CDHR3: variants seen among roughly 807,000 people sequenced by gnomAD.
The protein encoded by CDHR3 is cadherin-related family member 3.
CDHR3 carries 79 observed loss-of-function variants against 86.6 expected under a neutral mutation model. That is an observed-to-expected ratio of 0.91 (90% CI 0.76 to 1.10). The LOEUF (loss-of-function observed/expected upper bound fraction) is 1.10, where lower values mean the gene tolerates loss of function less well. CDHR3 is among the 50% of genes least tolerant of loss of function. The pLI is 0.00. For synonymous variants in CDHR3, 421 were observed against 402.4 expected (o/e 1.05, Z -0.55); for missense variants, 1,081 against 1,077.6 (o/e 1.00, Z -0.04).
At chr7:105,982,468 CAAAAAAAAAAAAGA>C (rs1477166710) in intron 3 of CDHR3, among the ~76,000 whole-genome samples, 294 of 111,968 alleles carry the variant, frequency 2.6e-3, no homozygotes, top group Middle Eastern at 8.8e-3. Context: ...GACTCTGTCT[CAAAAAAAAAAAAGA>C]AAAAAAAAAA....
Position 105,984,199 on chromosome 7 carries a change from C to A in CDHR3, c.423C>A (p.His141Gln), listed in dbSNP as rs745913152. 1 of 1,603,082 alleles carries A rather than the reference C, an allele frequency of 6.2e-7. No homozygotes were observed. The highest frequency in any genetic ancestry group is 2.2e-5 in the East Asian group (1 of 44,662). ...CTTTGGACACTGGTCTAGGTCTACA[C>A]CTCTACATAGTAGAAAGAGCAAACC... is the stretch of plus-strand genomic sequence containing the variant. ...QFQGNLAEGL[H>Q]LYIVERANPG... The change falls in exon 4 of 19, where the codon CAC (histidine) becomes CAA (glutamine). Residue 141 changes from histidine to glutamine, a missense_variant. By Grantham distance (24) the His-to-Gln change is conservative (BLOSUM62 0). Coordinates refer to ENST00000317716, the MANE Select transcript of CDHR3 (RefSeq NM_152750.5).
chr7:105,990,203 C>A (rs1831145245), intron 4 of CDHR3, among the ~76,000 whole-genome samples: 1 of 152,160 alleles, frequency 6.6e-6, no homozygotes, highest in Non-Finnish European at 1.5e-5. Flanking sequence ...GGATCTGCAG[C>A]TTTATCGGTG....
At chr7:105,993,527 T>A (rs1351985317) in intron 4 of CDHR3, among the ~76,000 whole-genome samples, 2 of 150,764 alleles carry the variant, frequency 1.3e-5, no homozygotes, top group Non-Finnish European at 3.0e-5. Context: ...ATAAAAAAAA[T>A]TAGCCAGGTG....
intron 15 of CDHR3, among the ~76,000 whole-genome samples, chr7:106,026,079 A>T (rs902663891): frequency 1.3e-5 from 2 of 152,220 alleles, no homozygotes; most frequent in Non-Finnish European, 2.9e-5. Context: ...TGGTTGACTT[A>T]AAAAAGAAAA....
rs117224202 is a variant in CDHR3, at chr7:106,019,849, T to C, written c.1654-524T>C. Among the ~76,000 whole-genome samples the C allele has an allele frequency of 3.0e-3, 459 of 152,310 alleles. 1 individual carries two copies. The highest frequency in any genetic ancestry group is 6.6e-3 in the Admixed American group (101 of 15,296). On this transcript the variant is annotated intron_variant, in intron 12 of 18. Transcript: ENST00000317716. ...GCCCTGACCCCCACCCTCCAATCTATTGGTTCTGAAGTGGGCCCAAGAAAG... is the reference window on the plus strand; with the variant it reads ...GCCCTGACCCCCACCCTCCAATCTACTGGTTCTGAAGTGGGCCCAAGAAAG...
intron 7 of CDHR3, among the ~76,000 whole-genome samples, chr7:106,002,937 C>A (rs1833417480): frequency 6.6e-6 from 1 of 151,650 alleles, no homozygotes; most frequent in African/African-American, 2.4e-5. Context: ...AGTTTGAGAC[C>A]AGCCTGGGCA....
chr7:106,013,003 A>G lies in CDHR3; in HGVS notation c.1196A>G (p.Gln399Arg), dbSNP rs947961911. 1.9e-6 allele frequency: 3 copies of G among 1,610,460 alleles called. No homozygotes were observed. The highest frequency in any genetic ancestry group is 1.3e-5 in the African/African-American group (1 of 74,896). The change falls in exon 9 of 19, where the codon CAG (glutamine) becomes CGG (arginine). Residue 399 changes from glutamine to arginine, a missense_variant. By Grantham distance (43) the Gln-to-Arg change is conservative. Transcript: ENST00000317716. ...SGVGSGSRFLQDPAGSGKIVL... is the reference protein window; with the variant it reads ...SGVGSGSRFLRDPAGSGKIVL... ...GTGGGGAGCGGCAGCAGATTTTTAC[A>G]GGATCCAGCTGGCTCTGGGAAGATT...
intron 10 of CDHR3, 101 bp from the exon 11 acceptor site, chr7:106,015,826 T>C (rs1420920259): frequency 1.2e-6 from 1 of 866,238 alleles, no homozygotes; most frequent in Admixed American, 2.0e-5. Flanking sequence ...TGGTATCCCC[T>C]ATGCGCAAAG....
intron 4 of CDHR3, 79 bp from the exon 5 acceptor site, chr7:105,994,672 A>G (rs1197645430): frequency 1.0e-6 from 1 of 953,522 alleles, no homozygotes; most frequent in East Asian, 2.6e-5. Flanking sequence ...AACATAAAAT[A>G]GGAAATGAGC....
chr7:105,999,424 A>C (rs1460601059), intron 6 of CDHR3, among the ~76,000 whole-genome samples: 1 of 152,164 alleles, frequency 6.6e-6, no homozygotes, highest in Non-Finnish European at 1.5e-5. Flanking sequence ...AGTTTCTTAA[A>C]CAGCGGAACT....
chr7:105,981,627 T>G (rs1829748385), intron 3 of CDHR3, among the ~76,000 whole-genome samples: 1 of 152,194 alleles, frequency 6.6e-6, no homozygotes, highest in Admixed American at 6.5e-5. Context: ...TTCTGACAAC[T>G]TTCAAGTCTG....
In CDHR3 at chr7:105,996,415, G is replaced by A. The variant is rs73412250; in HGVS notation, c.713+61G>A. On this transcript the variant is annotated intron_variant, in intron 6 of 18. Transcript: ENST00000317716. ...AGGTGCGTCCTTCTTAGGCGGCCTC[G>A]TCTCCTCCGGCACATTTAATACAAG... The A allele has an allele frequency of 2.6e-3, 2,314 of 880,902 alleles. 37 individuals carry two copies. The African/African-American group carries it at 0.035, about 13-fold the overall frequency. The allele number at this position is 880,902 out of a possible 1,614,324, so 54.6% of individuals were successfully genotyped here. A position where few individuals can be genotyped will look rare whatever the true frequency, so the allele number is the denominator to read the frequency against.
rs148933702 is a variant in CDHR3 at position 106,028,341 on chromosome 7, T to TTG, written c.2273-198_2273-197dup. ...AAACAACTAAATTGTTCGTATGTTA[T>TTG]TGTGTGTGTGTGTATACATATGTGT... On this transcript the variant is annotated intron_variant, in intron 16 of 18. Transcript: ENST00000317716. 3.6e-5 allele frequency: 22 copies of TTG among 605,548 alleles called. No homozygotes were observed. The East Asian group carries it at 4.4e-4, about 12-fold the overall frequency. The allele number at this position is 605,548 out of a possible 1,614,324, so 37.5% of individuals were successfully genotyped here. A position where few individuals can be genotyped will look rare whatever the true frequency, so the allele number is the denominator to read the frequency against.
intron 1 of CDHR3, among the ~76,000 whole-genome samples, chr7:105,969,414 A>G (rs888650269): frequency 6.6e-6 from 1 of 151,776 alleles, no homozygotes; most frequent in Non-Finnish European, 1.5e-5. Flanking sequence ...AAAAAAAAAA[A>G]AAAAAAGTGT....
rs937031038 is a variant in CDHR3, at chr7:106,024,284, A to G, written c.2077-97A>G. On this transcript the variant is annotated intron_variant, in intron 14 of 18. Transcript: ENST00000317716. ...ATGTCCAACTTATAGAGCAATAACA[A>G]TAACAAAGAGTGGAATAAACACTCA... 1.2e-5 allele frequency: 13 copies of G among 1,063,872 alleles called. No individual in the cohort carries two copies. The African/African-American group carries it at 1.4e-4, about 12-fold the overall frequency. 65.9% of individuals were successfully genotyped at this position (1,063,872 alleles called of 1,614,324 possible).
At chr7:105,996,623 G>A (rs1289622170) in intron 6 of CDHR3, among the ~76,000 whole-genome samples, 2 of 152,198 alleles carry the variant, frequency 1.3e-5, no homozygotes, top group South Asian at 2.1e-4. Flanking sequence ...CACATGCCCC[G>A]GGGTGTGGCC....
chr7:106,027,999 C>T (rs1051069566), intron 16 of CDHR3, among the ~76,000 whole-genome samples: 4 of 151,862 alleles, frequency 2.6e-5, no homozygotes, highest in East Asian at 1.9e-4. Flanking sequence ...TGGTAGTGTA[C>T]GCCTGTAGTC....
At chr7:106,028,496 T>G in intron 16 of CDHR3, 55 bp from the exon 17 acceptor site, 1 of 1,606,490 alleles carries the variant, frequency 6.2e-7, no homozygotes, top group Non-Finnish European at 8.5e-7. Flanking sequence ...GGTGGAATTT[T>G]AAGGTCAATT....
chr7:105,996,415 G>C (rs73412250), intron 6 of CDHR3, 61 bp downstream of exon 6: 7 of 880,912 alleles, frequency 7.9e-6, no homozygotes, highest in African/African-American at 1.7e-5. Context: ...AGGCGGCCTC[G>C]TCTCCTCCGG....
Sources: allele counts gnomAD v4.1 joint callset (sites outside exome capture counted in the v4.1 genomes callset), GRCh38; gene constraint gnomAD v4.1.1; transcripts MANE v1.5; gene names NCBI Gene and HGNC (gene_info 2026-07-23, HGNC 2026-07-21).